Variants in CADPS observed in about 807,000 individuals in gnomAD.
The protein encoded by CADPS is calcium dependent secretion activator.
CADPS carries 57 observed loss-of-function variants against 167.3 expected under a neutral mutation model. The ratio of observed to expected loss-of-function variants is 0.34; its 90% CI spans 0.28 to 0.42. The LOEUF is 0.42. Ranked by LOEUF, CADPS falls within the 20% of genes least tolerant of loss-of-function variation. The pLI is 1.00. For missense variants in CADPS, 1,414 were observed against 1,738.1 expected, an observed-to-expected ratio of 0.81 and a Z score of 3.32; for synonymous variants, 676 against 635.3, an observed-to-expected ratio of 1.06 and a Z score of -0.96.
At chr3:62,742,089 A>G in intron 3 of CADPS, among the ~76,000 whole-genome samples, 1 of 152,204 alleles carries the variant, frequency 6.6e-6, no homozygotes, top group Admixed American at 6.5e-5. Context: ...GATCTCTACA[A>G]GGAGAACCAC....
chr3:62,493,433 T>G (rs2064079347), intron 19 of CADPS, among the ~76,000 whole-genome samples: 4 of 152,144 alleles, frequency 2.6e-5, no homozygotes, highest in Admixed American at 2.0e-4. Context: ...GTATTTACAT[T>G]GGAAACACTT....
intron 1 of CADPS, among the ~76,000 whole-genome samples, chr3:62,799,112 G>A (rs141341398): frequency 2.7e-3 from 405 of 152,230 alleles, no homozygotes; most frequent in Non-Finnish European, 4.6e-3. Flanking sequence ...TGCCTAACTT[G>A]CCCATGTTCT....
At chr3:62,415,549 C>T (rs1575695388) in intron 28 of CADPS, among the ~76,000 whole-genome samples, 2 of 152,228 alleles carry the variant, frequency 1.3e-5, no homozygotes, top group Non-Finnish European at 1.5e-5. Context: ...ATGCTCGTAG[C>T]TTAAGGTCAC....
chr3:62,587,408 C>T (rs967742994), intron 7 of CADPS, among the ~76,000 whole-genome samples: 1 of 152,196 alleles, frequency 6.6e-6, no homozygotes, highest in South Asian at 2.1e-4. Flanking sequence ...TCATGTACCA[C>T]ATCCCGAGGC....
intron 11 of CADPS, among the ~76,000 whole-genome samples, chr3:62,537,291 A>G (rs2074878695): frequency 6.6e-6 from 1 of 152,224 alleles, no homozygotes; most frequent in Admixed American, 6.5e-5. Context: ...TCTGCCATTT[A>G]TTGTGAATTA....
At chr3:62,623,710 T>A (rs911412360) in intron 6 of CADPS, among the ~76,000 whole-genome samples, 4 of 152,170 alleles carry the variant, frequency 2.6e-5, no homozygotes, top group African/African-American at 9.6e-5. Flanking sequence ...ACCAGACTTT[T>A]CAGCACTGTC....
rs576559378 is a variant in CADPS at position 62,421,369 on chromosome 3, A to G, written c.3777+16735T>C. ...CACAGCGAGCGCCTGAATGGGGCAAACCTCCTAAGTTGAATGGAGTGTCTT... is the reference window on the plus strand; with the variant it reads ...CACAGCGAGCGCCTGAATGGGGCAAGCCTCCTAAGTTGAATGGAGTGTCTT... On this transcript the variant is annotated intron_variant, in intron 28 of 29. Transcript: ENST00000383710. The surrounding 1 kb of genome is among the most constrained non-coding windows in gnomAD (Gnocchi z 4.7). 9.2e-5 allele frequency among the ~76,000 whole-genome samples: 14 copies of G among 152,148 alleles called. No homozygotes were observed. The highest frequency in any genetic ancestry group is 1.9e-4 in the Non-Finnish European group (13 of 68,030).
At chr3:62,550,150 T>A (rs2077093194) in intron 10 of CADPS, 35 bp from the exon 11 acceptor site, 1 of 1,539,792 alleles carries the variant, frequency 6.5e-7, no homozygotes, top group Non-Finnish European at 9.0e-7. Flanking sequence ...TCTACTAAGC[T>A]GAGCTGTGAT....
intron 7 of CADPS, among the ~76,000 whole-genome samples, chr3:62,585,682 T>C (rs998483558): frequency 6.6e-6 from 1 of 152,246 alleles, no homozygotes; most frequent in Non-Finnish European, 1.5e-5. Context: ...GCTTATATAT[T>C]AGACAGTCCT....
At chr3:62,596,307 T>C (rs1386379483) in intron 6 of CADPS, among the ~76,000 whole-genome samples, 1 of 151,994 alleles carries the variant, frequency 6.6e-6, no homozygotes, top group South Asian at 2.1e-4. Flanking sequence ...GTGATTCTCC[T>C]GCCTCAGCCT....
intron 3 of CADPS, among the ~76,000 whole-genome samples, chr3:62,689,334 T>C (rs1218072210): frequency 6.6e-6 from 1 of 152,030 alleles, no homozygotes; most frequent in Non-Finnish European, 1.5e-5. Context: ...AAAGAGACCA[T>C]ACACAATGAA....
At chr3:62,791,797 C>T (rs1440025122) in intron 1 of CADPS, among the ~76,000 whole-genome samples, 4 of 152,166 alleles carry the variant, frequency 2.6e-5, no homozygotes, top group South Asian at 2.1e-4. Context: ...AAATGTGTCA[C>T]GTTAAGCAAG....
chr3:62,400,589 C>CTTT (rs1165722852), intron 29 of CADPS, among the ~76,000 whole-genome samples: 3 of 73,628 alleles, frequency 4.1e-5, no homozygotes, highest in Non-Finnish European at 8.6e-5. Context: ...ATCATTCTTT[C>CTTT]TTTTTTTTTT....
chr3:62,451,635 A>T (rs2058065586), intron 26 of CADPS, among the ~76,000 whole-genome samples: 1 of 152,058 alleles, frequency 6.6e-6, no homozygotes, highest in Admixed American at 6.5e-5. Flanking sequence ...ACAATCAAGG[A>T]AATGATTTAT....
At chr3:62,709,927 A>T (rs1359707765) in intron 3 of CADPS, among the ~76,000 whole-genome samples, 2 of 151,036 alleles carry the variant, frequency 1.3e-5, no homozygotes, top group Admixed American at 6.6e-5. Context: ...CTGCCACCAC[A>T]CCTGGCTAAT....
At chr3:62,658,625 G>A (rs1253633218) in intron 4 of CADPS, among the ~76,000 whole-genome samples, 2 of 152,068 alleles carry the variant, frequency 1.3e-5, no homozygotes, top group Non-Finnish European at 2.9e-5. Context: ...CTGGCACATA[G>A]GAAAACACTA....
intron 4 of CADPS, among the ~76,000 whole-genome samples, chr3:62,652,410 A>C (rs1231376393): frequency 4.0e-5 from 6 of 151,824 alleles, no homozygotes; most frequent in South Asian, 2.1e-4. Flanking sequence ...AAAAAAAAAA[A>C]AAAAAAAAAA....
chr3:62,875,159 GC>G lies in CADPS; in HGVS notation c.-131del. ...CCCCAGGTCAGGGAGCGAGAGCGCT[GC>G]TGCTCAGCCTCGGCCGCCGCGACTG... On this transcript the variant is annotated 5_prime_UTR_variant, in exon 1 of 30. Coordinates refer to ENST00000383710, the MANE Select transcript of CADPS (RefSeq NM_003716.4). 8.2e-7 allele frequency: 1 copy of G among 1,215,614 alleles called. No individual in the cohort carries two copies. The highest frequency in any genetic ancestry group is 1.0e-6 in the Non-Finnish European group (1 of 953,566). The allele number at this position is 1,215,614 out of a possible 1,614,324, so 75.3% of individuals were successfully genotyped here. A position where few individuals can be genotyped will look rare whatever the true frequency, so the allele number is the denominator to read the frequency against.
At position 62,481,874 on chromosome 3, in the gene CADPS, G is replaced by A. The variant is rs1178303357; in HGVS notation, c.3027-5C>T. ...GGTAGGTTACTGGTTAAACTCCTGT[G>A]GAAGAAACAGACAGAAAGAAAAAAT... On this transcript the variant is annotated splice_region_variant and splice_polypyrimidine_tract_variant and intron_variant, in intron 21 of 29. Transcript: ENST00000383710. 6.2e-7 allele frequency: 1 copy of A among 1,603,716 alleles called. No individual in the cohort carries two copies. The highest frequency in any genetic ancestry group is 1.3e-5 in the African/African-American group (1 of 74,402).
Sources: gnomAD v4.1 joint callset for allele counts (sites outside exome capture counted in the v4.1 genomes callset) on GRCh38, gnomAD v4.1.1 for gene constraint, Gnocchi (gnomAD v3.1) non-coding constraint, MANE v1.5 for transcripts, NCBI Gene and HGNC (gene_info 2026-07-23, HGNC 2026-07-21) for gene names.